Variants in ENOX1 observed in about 807,000 individuals in gnomAD.
ENOX1 encodes ecto-NOX disulfide-thiol exchanger 1.
In ENOX1, 42 loss-of-function variants were observed where a neutral mutation model predicts 82.5. That is an observed-to-expected ratio of 0.51 (90% CI 0.40 to 0.66). The LOEUF is 0.66. Among genes scored for constraint, ENOX1 ranks in the 30% least tolerant of loss-of-function variants. The pLI is 0.00. For synonymous variants in ENOX1, 271 were observed against 282.2 expected, an observed-to-expected ratio of 0.96 and a Z score of 0.40; for missense variants, 608 against 811.6, an observed-to-expected ratio of 0.75 and a Z score of 3.05.
chr13:43,361,076 G>T (rs997957832), intron 6 of ENOX1, among the ~76,000 whole-genome samples: 1 of 152,188 alleles, frequency 6.6e-6, no homozygotes, highest in African/African-American at 2.4e-5. Context: ...TGGCTTTATA[G>T]TGTGGATTCA....
Position 43,268,524 on chromosome 13 carries a change from T to C in ENOX1, c.1554+946A>G, listed in dbSNP as rs185689473. On this transcript the variant is annotated intron_variant, in intron 13 of 16. Coordinates refer to ENST00000690772, the MANE Select transcript of ENOX1 (RefSeq NM_001347969.2). ...GTACTTTTCTCTCACAAATCACTCATACCTTTGGGAGAAAATAACTAAAAA... is the reference window on the plus strand; with the variant it reads ...GTACTTTTCTCTCACAAATCACTCACACCTTTGGGAGAAAATAACTAAAAA... 1.9e-3 allele frequency among the ~76,000 whole-genome samples: 296 copies of C among 152,238 alleles called. 1 individual carries two copies. Among genetic ancestry groups the C allele is most frequent in the African/African-American group, 6.4e-3 (267 of 41,536 alleles).
At chr13:43,480,656 A>G (rs763715776) in intron 3 of ENOX1, among the ~76,000 whole-genome samples, 9 of 152,144 alleles carry the variant, frequency 5.9e-5, no homozygotes, top group Non-Finnish European at 1.3e-4. Flanking sequence ...GAAAGAGGAG[A>G]CATTACAACT....
chr13:43,691,900 C>T (rs1292195261), intron 1 of ENOX1, among the ~76,000 whole-genome samples: 2 of 151,950 alleles, frequency 1.3e-5, no homozygotes, highest in African/African-American at 4.8e-5. Flanking sequence ...TGGGGTTTCA[C>T]CGTGTTAGGC....
chr13:43,352,856 G>A (rs772896611), intron 8 of ENOX1, among the ~76,000 whole-genome samples: 2 of 152,138 alleles, frequency 1.3e-5, no homozygotes, highest in Non-Finnish European at 2.9e-5. Flanking sequence ...ATCCGGGCTG[G>A]CTATCTCCCC....
At chr13:43,592,656 T>C (rs1024142869) in intron 2 of ENOX1, among the ~76,000 whole-genome samples, 3 of 152,164 alleles carry the variant, frequency 2.0e-5, no homozygotes, top group African/African-American at 4.8e-5. Context: ...TAATGAAATA[T>C]AGAAGGAAGG....
At chr13:43,518,785 G>C (rs1251714423) in intron 2 of ENOX1, among the ~76,000 whole-genome samples, 1 of 152,114 alleles carries the variant, frequency 6.6e-6, no homozygotes, top group East Asian at 1.9e-4. Flanking sequence ...ACTCTGAATT[G>C]AATATCCTCA....
intron 2 of ENOX1, among the ~76,000 whole-genome samples, chr13:43,603,541 C>G (rs1375626604): frequency 7.2e-6 from 1 of 138,918 alleles, no homozygotes; most frequent in Non-Finnish European, 1.5e-5. Context: ...TCCCCCCTCC[C>G]CCCACCCCAC....
At chr13:43,316,026 G>A (rs999522998) in intron 11 of ENOX1, among the ~76,000 whole-genome samples, 1 of 152,148 alleles carries the variant, frequency 6.6e-6, no homozygotes, top group African/African-American at 2.4e-5. Flanking sequence ...AGGTCAAGGC[G>A]TCAGTGGCTC....
intron 2 of ENOX1, among the ~76,000 whole-genome samples, chr13:43,587,311 T>A (rs566112782): frequency 1.1e-4 from 17 of 152,338 alleles, no homozygotes; most frequent in African/African-American, 4.1e-4. Flanking sequence ...TTTCAAATCA[T>A]CCATTACTTT....
chr13:43,589,308 C>T (rs1285213020), intron 2 of ENOX1, among the ~76,000 whole-genome samples: 1 of 150,918 alleles, frequency 6.6e-6, no homozygotes, highest in African/African-American at 2.4e-5. Flanking sequence ...TAGAAACAAC[C>T]TCACCCTCAG....
chr13:43,324,992 G>GA (rs918570154), intron 10 of ENOX1, among the ~76,000 whole-genome samples: 15 of 152,228 alleles, frequency 9.9e-5, no homozygotes, highest in African/African-American at 3.6e-4. Context: ...GTTTTTATGT[G>GA]AAAAAATAAA....
chr13:43,355,765 TAA>T (rs910491533), intron 8 of ENOX1, among the ~76,000 whole-genome samples, 152 bp downstream of exon 8: 57 of 152,308 alleles, frequency 3.7e-4, no homozygotes, highest in African/African-American at 1.4e-3. Flanking sequence ...CCCAGCTCTG[TAA>T]AGAGTCTGTG....
chr13:43,665,451 G>A (rs116360831), intron 2 of ENOX1, among the ~76,000 whole-genome samples: 3,630 of 152,232 alleles, frequency 0.024, 51 homozygotes, highest in Middle Eastern at 0.041. Flanking sequence ...AAGAAGACGC[G>A]ATTAGGGCAG....
intron 12 of ENOX1, among the ~76,000 whole-genome samples, chr13:43,298,020 C>A (rs2153506832): frequency 6.6e-6 from 1 of 152,320 alleles, no homozygotes; most frequent in Admixed American, 6.5e-5. Flanking sequence ...TCTAAGATTA[C>A]AAAATGCTTG....
At chr13:43,466,624 A>G (rs1470944626) in intron 3 of ENOX1, among the ~76,000 whole-genome samples, 1 of 152,188 alleles carries the variant, frequency 6.6e-6, no homozygotes, top group Non-Finnish European at 1.5e-5. Flanking sequence ...ATAGAGTACA[A>G]CTTTATTTTT....
In ENOX1 at chr13:43,233,612, G is replaced by C. The variant is rs560528848; in HGVS notation, c.1714+3024C>G. ...TAGCCTCAGTTTTATTCTTTCTGTA[G>C]ATGGAATCCATTTGAAGAGCTTTTT... is the stretch of plus-strand genomic sequence containing the variant. On this transcript the variant is annotated intron_variant, in intron 15 of 16. Coordinates refer to ENST00000690772, the MANE Select transcript of ENOX1 (RefSeq NM_001347969.2). 2.6e-5 allele frequency among the ~76,000 whole-genome samples: 4 copies of C among 151,526 alleles called. No homozygotes were observed. The South Asian group carries it at 8.3e-4, about 31-fold the overall frequency.
At chr13:43,697,490 C>T (rs2086699625) in intron 1 of ENOX1, among the ~76,000 whole-genome samples, 1 of 152,166 alleles carries the variant, frequency 6.6e-6, no homozygotes, top group Admixed American at 6.5e-5. Flanking sequence ...ACAGTGCAAA[C>T]ACAGGCTTAA....
At chr13:43,365,672 A>G (rs947736461) in intron 5 of ENOX1, among the ~76,000 whole-genome samples, 4 of 152,214 alleles carry the variant, frequency 2.6e-5, no homozygotes, top group Non-Finnish European at 4.4e-5. Flanking sequence ...AGGAGAAGCA[A>G]GACAGGATTC....
intron 5 of ENOX1, among the ~76,000 whole-genome samples, chr13:43,402,210 T>C (rs2053538325): frequency 6.6e-6 from 1 of 152,080 alleles, no homozygotes; most frequent in South Asian, 2.1e-4. Context: ...AGATACATTT[T>C]TAAAAAAGAA....
Sources: gnomAD v4.1 joint callset for allele counts (sites outside exome capture counted in the v4.1 genomes callset) on GRCh38, gnomAD v4.1.1 for gene constraint, MANE v1.5 for transcripts, NCBI Gene and HGNC (gene_info 2026-07-23, HGNC 2026-07-21) for gene names.